Variants in ABCA12 observed in about 807,000 individuals in gnomAD.
ABCA12 encodes the protein glucosylceramide transporter ABCA12.
ABCA12 carries 156 observed loss-of-function variants against 293.5 expected under a neutral mutation model. That is an observed-to-expected ratio of 0.53 (90% CI 0.47 to 0.61). The LOEUF is 0.61. ABCA12 is among the 20% of genes least tolerant of loss of function. The probability of loss-of-function intolerance (pLI) is 0.00; values close to 1 mark genes in which losing one functional copy is unlikely to be tolerated. For synonymous variants in ABCA12, 1,063 were observed against 1,108.0 expected, an observed-to-expected ratio of 0.96 and a Z score of 0.81; for missense variants, 2,797 against 3,090.2, an observed-to-expected ratio of 0.91 and a Z score of 2.25.
At chr2:215,009,541 C>T (rs1473790539) in intron 18 of ABCA12, among the ~76,000 whole-genome samples, 1 of 152,044 alleles carries the variant, frequency 6.6e-6, no homozygotes, top group Admixed American at 6.6e-5. Flanking sequence ...TGCAAAACTA[C>T]ATAGGAATAT....
At chr2:215,076,916 C>T (rs975551916) in intron 2 of ABCA12, among the ~76,000 whole-genome samples, 1 of 152,086 alleles carries the variant, frequency 6.6e-6, no homozygotes. Flanking sequence ...AACATTTAGA[C>T]ACTTGCAAAA....
At chr2:214,932,809 TTCTC>T (rs1370566018) in intron 52 of ABCA12, 68 bp from the exon 53 acceptor site, 2 of 753,474 alleles carry the variant, frequency 2.7e-6, no homozygotes, top group African/African-American at 1.7e-5. Flanking sequence ...AGTTAATTCA[TTCTC>T]TCTCTCTCCC....
At chr2:215,070,226 T>A (rs534026218) in intron 2 of ABCA12, among the ~76,000 whole-genome samples, 1 of 152,278 alleles carries the variant, frequency 6.6e-6, no homozygotes, top group Admixed American at 6.5e-5. Context: ...CACATTGACA[T>A]CCATAAATGT....
intron 8 of ABCA12, chr2:215,035,979 G>A (rs899108506): frequency 1.3e-5 from 2 of 152,074 alleles, no homozygotes; most frequent in African/African-American, 2.4e-5. Context: ...AATATGAAAA[G>A]AAAACAGAGG....
chr2:215,120,026 A>G (rs1449354313), intron 1 of ABCA12, among the ~76,000 whole-genome samples: 1 of 152,220 alleles, frequency 6.6e-6, no homozygotes, highest in African/African-American at 2.4e-5. Flanking sequence ...GTGTCCATCA[A>G]TGGTGAATTG....
intron 1 of ABCA12, among the ~76,000 whole-genome samples, chr2:215,134,406 A>ATGTATATATGTACATATATGTATATG (rs1703143003): frequency 9.0e-5 from 13 of 144,794 alleles, no homozygotes; most frequent in Middle Eastern, 4.0e-3. Flanking sequence ...ATGTGTATAT[A>ATGTATATATGTACATATATGTATATG]TGTATATATG....
chr2:215,045,990 T>A lies in ABCA12; in HGVS notation c.719A>T (p.Lys240Met). The A allele has an allele frequency of 6.2e-7, 1 of 1,613,660 alleles. No individual in the cohort carries two copies. Among genetic ancestry groups the A allele is most frequent in the Non-Finnish European group, 8.5e-7 (1 of 1,179,764 alleles). ...SQLSSDPNNQ[K>M]IVFQEIVRML... ...TCTGACTATTTCCTGAAACACTATC[T>A]TCTGATTGTTGGGGTCACTGGATAG... Residue 240 changes from lysine to methionine, a missense_variant, in exon 7 of 53, where the codon AAG becomes ATG. Coordinates refer to ENST00000272895, the MANE Select transcript of ABCA12 (RefSeq NM_173076.3).
intron 51 of ABCA12, among the ~76,000 whole-genome samples, chr2:214,936,539 A>T (rs547651332): frequency 6.6e-6 from 1 of 152,364 alleles, no homozygotes; most frequent in Admixed American, 6.5e-5. Context: ...AATTGCCTGT[A>T]TATCAAAGAT....
At chr2:215,095,314 C>T (rs1369038015) in intron 2 of ABCA12, among the ~76,000 whole-genome samples, 2 of 152,166 alleles carry the variant, frequency 1.3e-5, no homozygotes, top group African/African-American at 2.4e-5. Context: ...ATTGGATGTC[C>T]TGGGTCCTCC....
intron 14 of ABCA12, chr2:215,017,806 A>G: frequency 1.6e-6 from 1 of 641,782 alleles, no homozygotes; most frequent in Non-Finnish European, 2.6e-6. Context: ...AAATAAAGAG[A>G]AAAGGGACAC....
At chr2:214,959,965 T>C (rs1699068790) in intron 39 of ABCA12, among the ~76,000 whole-genome samples, 1 of 152,148 alleles carries the variant, frequency 6.6e-6, no homozygotes, top group Non-Finnish European at 1.5e-5. Flanking sequence ...CTTGTTCCTA[T>C]AGTGTCATAA....
chr2:214,950,838 C>T, intron 45 of ABCA12, 41 bp downstream of exon 45: 1 of 1,586,786 alleles, frequency 6.3e-7, no homozygotes, highest in Non-Finnish European at 8.7e-7. Context: ...ACATAGTATG[C>T]CAATGAAAAG....
rs1700067826 is a variant in ABCA12 at position 214,997,825 on chromosome 2, A to T, written c.3180-16T>A. 1 of 1,561,834 alleles carries T rather than the reference A, an allele frequency of 6.4e-7. No homozygotes were observed. The highest frequency in any genetic ancestry group is 1.4e-5 in the African/African-American group (1 of 73,838). ...GGTTAGGAAGCTGTAAAACAAACAA[A>T]AAAAGAAAAATTCAGCGACCAAAAT... On this transcript the variant is annotated splice_polypyrimidine_tract_variant and intron_variant, in intron 22 of 52. Transcript: ENST00000272895.
At chr2:215,046,230 T>C (rs1003554143) in intron 6 of ABCA12, among the ~76,000 whole-genome samples, 8 of 152,040 alleles carry the variant, frequency 5.3e-5, no homozygotes, top group African/African-American at 1.2e-4. Context: ...ACTCCAGAAA[T>C]TGGCATAAAA....
intron 47 of ABCA12, 87 bp downstream of exon 47, chr2:214,948,509 G>A: frequency 7.1e-7 from 1 of 1,414,512 alleles, no homozygotes; most frequent in Non-Finnish European, 9.8e-7. Context: ...TGGTGGGGCA[G>A]GGGGGACAGT....
At chr2:215,090,192 A>T (rs546444263) in intron 2 of ABCA12, among the ~76,000 whole-genome samples, 96 of 152,014 alleles carry the variant, frequency 6.3e-4, no homozygotes, top group African/African-American at 2.2e-3. Flanking sequence ...CCCACCCCTA[A>T]CTTCCTTTGC....
rs1703159905 is a variant in ABCA12 at position 215,134,582 on chromosome 2, TCTCTCTCTC to T, written c.69+3549_69+3557del. Among the ~76,000 whole-genome samples, 2 of 71,374 alleles carry T rather than the reference TCTCTCTCTC, an allele frequency of 2.8e-5. 1 individual carries two copies. Among genetic ancestry groups the T allele is most frequent in the African/African-American group, 3.2e-4 (2 of 6,268 alleles). 46.8% of individuals were successfully genotyped at this position (71,374 alleles called of 152,430 possible). A position where few individuals can be genotyped will look rare whatever the true frequency, so the allele number is the denominator to read the frequency against. The stretch of plus-strand genomic sequence containing the variant: ...TATATGTGTGTATATATATAATCTC[TCTCTCTCTC>T]TCTCTCTCTATATATATATATATAT... On this transcript the variant is annotated intron_variant, in intron 1 of 52. Transcript: ENST00000272895.
intron 8 of ABCA12, chr2:215,032,124 A>G (rs1473118196): frequency 2.5e-5 from 35 of 1,391,814 alleles, no homozygotes; most frequent in Non-Finnish European, 3.2e-5. Context: ...ATGGTCAAGC[A>G]TATGCATTTC....
chr2:215,105,592 C>CACAT lies in ABCA12; in HGVS notation c.163+6004_163+6005insATGT, dbSNP rs1355436431. 5.0e-3 allele frequency among the ~76,000 whole-genome samples: 678 copies of CACAT among 136,128 alleles called. 10 individuals are homozygous for CACAT. The highest frequency in any genetic ancestry group is 0.023 in the African/African-American group (659 of 29,040). The allele number at this position is 136,128 out of a possible 152,430, so 89.3% of individuals were successfully genotyped here. On this transcript the variant is annotated intron_variant, in intron 2 of 52. Transcript: ENST00000272895. ...TAGGGCTTCAAGACACACACACACA[C>CACAT]ACACACACGCACACACACACACACA...
Sources: gnomAD v4.1 joint callset for allele counts (sites outside exome capture counted in the v4.1 genomes callset) on GRCh38, gnomAD v4.1.1 for gene constraint, MANE v1.5 for transcripts, NCBI Gene and HGNC (gene_info 2026-07-23, HGNC 2026-07-21) for gene names.